The following ZMYM4 variants were observed in gnomAD, a reference collection of about 807,000 sequenced individuals.
ZMYM4 encodes zinc finger MYM-type protein 4.
In ZMYM4, 31 loss-of-function variants were observed where a neutral mutation model predicts 183.2. The ratio of observed to expected loss-of-function variants is 0.17; its 90% confidence interval spans 0.13 to 0.23. The LOEUF is 0.23. ZMYM4 is among the 10% of genes least tolerant of loss of function. The pLI is 1.00. For missense variants in ZMYM4, 1,273 were observed against 1,840.3 expected (o/e 0.69, Z 5.64); for synonymous variants, 592 against 631.2 (o/e 0.94, Z 0.93).
chr1:35,304,815 A>G (rs1641454859), intron 1 of ZMYM4, among the ~76,000 whole-genome samples: 1 of 149,562 alleles, frequency 6.7e-6, no homozygotes, highest in South Asian at 2.1e-4. Flanking sequence ...GGTCCAGCAT[A>G]TAGTGTATCT....
Position 35,349,098 on chromosome 1 carries a change from C to T in ZMYM4, c.86-9827C>T, listed in dbSNP as rs148723310. On this transcript the variant is annotated intron_variant, in intron 2 of 29. Transcript: ENST00000314607. ...GCAACCTCCACCTCCTGGGTTCAAG[C>T]GATTCTCGTGCCTCAGCTTCCTGAG... Among the ~76,000 whole-genome samples, 43 of 152,158 alleles carry T rather than the reference C, an allele frequency of 2.8e-4. 2 individuals carry two copies. Among genetic ancestry groups the T allele is most frequent in the African/African-American group, 9.9e-4 (41 of 41,514 alleles).
At chr1:35,377,941 C>G (rs897914603) in intron 7 of ZMYM4, among the ~76,000 whole-genome samples, 7 of 152,218 alleles carry the variant, frequency 4.6e-5, no homozygotes, top group African/African-American at 1.7e-4. Context: ...AAATTGGAAT[C>G]AGTACTCTCA....
At position 35,269,070 on chromosome 1, in the gene ZMYM4, C is replaced by T. The variant is rs1291856240; in HGVS notation, c.24C>T (p.Ser8=). 1.9e-6 allele frequency: 3 copies of T among 1,549,306 alleles called. No individual in the cohort carries two copies. Among genetic ancestry groups the T allele is most frequent in the Non-Finnish European group, 2.6e-6 (3 of 1,146,694 alleles). Residue 8 remains serine, a synonymous_variant, in exon 1 of 30, where the codon TCC becomes TCT. Coordinates refer to ENST00000314607, the MANE Select transcript of ZMYM4 (RefSeq NM_005095.3). MAEREVE[S]GPRKRFEQKS... ...ACATGGCGGAGAGAGAGGTGGAGTC[C>T]GGCCCCCGAAAGAGGGTAGGTGAGG...
At chr1:35,290,206 G>A (rs556462641) in intron 1 of ZMYM4, among the ~76,000 whole-genome samples, 150 of 152,092 alleles carry the variant, frequency 9.9e-4, no homozygotes, top group African/African-American at 3.4e-3. Flanking sequence ...GACCTCAAGT[G>A]ATCCACCCGC....
intron 2 of ZMYM4, among the ~76,000 whole-genome samples, chr1:35,350,087 T>A (rs1643545534): frequency 1.3e-5 from 2 of 151,464 alleles, no homozygotes; most frequent in Admixed American, 6.6e-5. Flanking sequence ...CTCAGCCTCT[T>A]GAGTAGCTGG....
chr1:35,392,028 G>A (rs542862957), intron 15 of ZMYM4, among the ~76,000 whole-genome samples, 184 bp from the exon 16 acceptor site: 38 of 151,858 alleles, frequency 2.5e-4, no homozygotes, highest in Middle Eastern at 3.4e-3. Context: ...GCAGCAGAGT[G>A]AGACTCTGTC....
chr1:35,293,295 A>G (rs926765190), intron 1 of ZMYM4, among the ~76,000 whole-genome samples: 2 of 151,904 alleles, frequency 1.3e-5, no homozygotes, highest in Non-Finnish European at 1.5e-5. Context: ...GTGAACCACC[A>G]TACCATGCCA....
rs1644733533 is a variant in ZMYM4 at position 35,392,749 on chromosome 1, T to C, written c.2766+65T>C. On this transcript the variant is annotated intron_variant, in intron 17 of 29. Coordinates refer to ENST00000314607, the MANE Select transcript of ZMYM4 (RefSeq NM_005095.3). ...ATTTTTCATTTTCATACAGTATAAA[T>C]ATGTGTGAACTAATTTGCCCTCCTT... 3.9e-6 allele frequency: 5 copies of C among 1,273,152 alleles called. No homozygotes were observed. In the South Asian group the frequency reaches 7.1e-5, roughly 18 times the overall value. 78.9% of individuals were successfully genotyped at this position (1,273,152 alleles called of 1,614,324 possible).
intron 2 of ZMYM4, among the ~76,000 whole-genome samples, chr1:35,348,360 A>G (rs1021998004): frequency 6.6e-6 from 1 of 152,216 alleles, no homozygotes; most frequent in Non-Finnish European, 1.5e-5. Flanking sequence ...AGACATATAC[A>G]TGTGTATTTC....
intron 1 of ZMYM4, among the ~76,000 whole-genome samples, chr1:35,312,304 ATTTTTTTCTGCTCT>A: frequency 6.6e-6 from 1 of 151,826 alleles, no homozygotes; most frequent in South Asian, 2.1e-4. Flanking sequence ...TTCTTCAGAT[ATTTTTTTCTGCTCT>A]GCAGTCTTTC....
intron 2 of ZMYM4, among the ~76,000 whole-genome samples, chr1:35,350,075 G>T (rs1421531736): frequency 1.3e-5 from 2 of 151,360 alleles, no homozygotes; most frequent in African/African-American, 4.8e-5. Flanking sequence ...TGATCCTCCT[G>T]CCTCAGCCTC....
At chr1:35,334,036 TAAAA>T (rs375959822) in intron 2 of ZMYM4, among the ~76,000 whole-genome samples, 2 of 140,010 alleles carry the variant, frequency 1.4e-5, no homozygotes, top group African/African-American at 2.6e-5. Flanking sequence ...TTCTGTGACT[TAAAA>T]AAAAAAAAAA....
chr1:35,331,574 T>G (rs1374190444), intron 2 of ZMYM4, among the ~76,000 whole-genome samples: 1 of 151,848 alleles, frequency 6.6e-6, no homozygotes, highest in African/African-American at 2.4e-5. Context: ...TTGCTTGAGG[T>G]CAGGAGTTCG....
At chr1:35,413,652 C>G (rs1417118159) in intron 26 of ZMYM4, among the ~76,000 whole-genome samples, 4 of 152,170 alleles carry the variant, frequency 2.6e-5, no homozygotes, top group Non-Finnish European at 5.9e-5. Flanking sequence ...TGCATTGGAA[C>G]CAAGTTTTAG....
chr1:35,342,639 C>T (rs1401160893), intron 2 of ZMYM4, among the ~76,000 whole-genome samples: 5 of 151,782 alleles, frequency 3.3e-5, no homozygotes, highest in African/African-American at 1.2e-4. Flanking sequence ...ATTTGTTTGT[C>T]TTCTTTTTAT....
At chr1:35,283,584 G>A (rs1227012723) in intron 1 of ZMYM4, among the ~76,000 whole-genome samples, 2 of 151,752 alleles carry the variant, frequency 1.3e-5, no homozygotes, top group South Asian at 2.1e-4. Flanking sequence ...TGAGCCACCC[G>A]CCTCGGCCTC....
Position 35,390,249 on chromosome 1 carries a change from T to G in ZMYM4, c.2587+151T>G. The G allele has an allele frequency of 5.9e-6, 5 of 851,670 alleles. No homozygotes were observed. In the South Asian group the frequency reaches 1.4e-4, roughly 24 times the overall value. The allele number at this position is 851,670 out of a possible 1,614,324, so 52.8% of individuals were successfully genotyped here. On this transcript the variant is annotated intron_variant, in intron 15 of 29. Transcript: ENST00000314607. ...TGTATCAATAACATTTAGCTTTTTT[T>G]GTTGAACACCTTATTTCACTGTCGT...
At chr1:35,382,274 A>G (rs1644479982) in intron 9 of ZMYM4, among the ~76,000 whole-genome samples, 1 of 150,990 alleles carries the variant, frequency 6.6e-6, no homozygotes, top group Admixed American at 6.6e-5. Context: ...GTGTATATAT[A>G]TGTATATATA....
At chr1:35,288,152 A>G (rs1160062909) in intron 1 of ZMYM4, among the ~76,000 whole-genome samples, 2 of 152,080 alleles carry the variant, frequency 1.3e-5, no homozygotes, top group Non-Finnish European at 2.9e-5. Flanking sequence ...AACATTTTTG[A>G]TGTTCTACTG....
Sources: allele counts gnomAD v4.1 joint callset (sites outside exome capture counted in the v4.1 genomes callset), GRCh38; gene constraint gnomAD v4.1.1; transcripts MANE v1.5; gene names NCBI Gene and HGNC (gene_info 2026-07-23, HGNC 2026-07-21).